The following TAF11 variants were observed in gnomAD, a reference collection of about 807,000 sequenced individuals.
The protein encoded by TAF11 is TATA-box binding protein associated factor 11.
In TAF11, 10 loss-of-function variants were observed where a neutral mutation model predicts 23.0. That is an observed-to-expected ratio of 0.43 (90% confidence interval 0.27 to 0.74). The LOEUF (loss-of-function observed/expected upper bound fraction) is 0.74. Ranked by LOEUF, TAF11 falls within the 30% of genes least tolerant of loss-of-function variation. The probability of loss-of-function intolerance (pLI) is 0.19; values close to 1 mark genes in which losing one functional copy is unlikely to be tolerated. For synonymous variants in TAF11, 85 were observed against 95.8 expected, an observed-to-expected ratio of 0.89 and a Z score of 0.66; for missense variants, 196 against 261.7, an observed-to-expected ratio of 0.75 and a Z score of 1.73.
At chr6:34,883,148 CA>C in intron 1 of TAF11, 68 bp from the exon 2 acceptor site, 2 of 1,493,926 alleles carry the variant, frequency 1.3e-6, no homozygotes, top group Non-Finnish European at 1.8e-6. Context: ...AGTAAGAAGA[CA>C]TCATCCTTAT....
At chr6:34,881,002 AAC>A (rs1766413899) in intron 2 of TAF11, among the ~76,000 whole-genome samples, 1 of 152,226 alleles carries the variant, frequency 6.6e-6, no homozygotes, top group South Asian at 2.1e-4. Context: ...ATGGGACACA[AAC>A]ACATGCTGGC....
In TAF11 at chr6:34,883,266, C is replaced by G. The variant is rs1766475363; in HGVS notation, c.172-186G>C. ...CTCCTAAGGGAAGATTATGGCTCAG[C>G]TATGGAAAGAAAACCTGCTAAATAA... is the stretch of plus-strand genomic sequence containing the variant. On this transcript the variant is annotated intron_variant, in intron 1 of 4. Coordinates refer to ENST00000361288, the MANE Select transcript of TAF11 (RefSeq NM_005643.4). 6 of 525,388 alleles carry G rather than the reference C, an allele frequency of 1.1e-5. No homozygotes were observed. In the South Asian group the frequency reaches 1.9e-4, roughly 17 times the overall value. The allele number at this position is 525,388 out of a possible 1,614,324, so 32.5% of individuals were successfully genotyped here. A position where few individuals can be genotyped will look rare whatever the true frequency, so the allele number is the denominator to read the frequency against.
chr6:34,886,076 C>G (rs189106258), intron 1 of TAF11, among the ~76,000 whole-genome samples: 1 of 152,320 alleles, frequency 6.6e-6, no homozygotes, highest in East Asian at 1.9e-4. Flanking sequence ...TGCAGTGAGC[C>G]GAGATTGCGC....
At chr6:34,886,047 G>A (rs1044671232) in intron 1 of TAF11, among the ~76,000 whole-genome samples, 4 of 152,220 alleles carry the variant, frequency 2.6e-5, no homozygotes, top group Non-Finnish European at 5.9e-5. Flanking sequence ...AGAATCGCTT[G>A]AGCCTGAGAG....
chr6:34,881,756 G>T (rs896018353), intron 2 of TAF11, among the ~76,000 whole-genome samples: 4 of 152,064 alleles, frequency 2.6e-5, no homozygotes, highest in Non-Finnish European at 4.4e-5. Context: ...GAGTGCAGTG[G>T]CGCAGTCTTG....
intron 2 of TAF11, among the ~76,000 whole-genome samples, chr6:34,881,963 G>C (rs1766439979): frequency 6.6e-6 from 1 of 151,494 alleles, no homozygotes; most frequent in South Asian, 2.1e-4. Flanking sequence ...CTCCCAAAGT[G>C]CTGGGATTAC....
intron 1 of TAF11, 45 bp from the exon 2 acceptor site, chr6:34,883,125 C>A: frequency 1.3e-6 from 2 of 1,571,354 alleles, no homozygotes; most frequent in South Asian, 2.4e-5. Context: ...GCCTACTTTC[C>A]AGGCTTGGGC....
At position 34,878,548 on chromosome 6, in the gene TAF11, A is replaced by G. The variant is rs1490301520; in HGVS notation, c.*42T>C. On this transcript the variant is annotated 3_prime_UTR_variant, in exon 5 of 5. Transcript: ENST00000361288. ...CAGTCTTATAGGAAGTCTGGAACCA[A>G]TACTTCTTCCGTCAGTAACATAGGC... 4 of 1,103,280 alleles carry G rather than the reference A, an allele frequency of 3.6e-6. No homozygotes were observed. Among genetic ancestry groups the G allele is most frequent in the African/African-American group, 1.5e-5 (1 of 64,704 alleles). The allele number at this position is 1,103,280 out of a possible 1,614,324, so 68.3% of individuals were successfully genotyped here. A position where few individuals can be genotyped will look rare whatever the true frequency, so the allele number is the denominator to read the frequency against.
intron 2 of TAF11, among the ~76,000 whole-genome samples, chr6:34,881,285 T>C (rs1447190592): frequency 1.3e-5 from 2 of 152,264 alleles, no homozygotes; most frequent in African/African-American, 4.8e-5. Flanking sequence ...TTTATGAGCA[T>C]ATTTACTGAC....
chr6:34,879,322 G>A (rs189497699), intron 4 of TAF11: 16 of 913,442 alleles, frequency 1.8e-5, no homozygotes, highest in Non-Finnish European at 2.0e-5. Context: ...GTTTGAGGTT[G>A]TAGTGAGCTA....
At chr6:34,878,750 T>TATCA (rs752934185) in intron 4 of TAF11, 30 bp from the exon 5 acceptor site, 12 of 1,580,456 alleles carry the variant, frequency 7.6e-6, no homozygotes, top group Middle Eastern at 1.7e-4. Context: ...AAAGTCTGAT[T>TATCA]ATCACACAAT....
At chr6:34,878,845 T>C (rs1766364735) in intron 4 of TAF11, 125 bp from the exon 5 acceptor site, 1 of 829,526 alleles carries the variant, frequency 1.2e-6, no homozygotes, top group African/African-American at 1.7e-5. Flanking sequence ...CAGACATTTT[T>C]CCTTTTTAAG....
Position 34,879,961 on chromosome 6 carries a change from A to T in TAF11, c.505+6T>A. ...CAATCCAGTATTTGTAACCAACACT[A>T]CTCACCTTCTTCTACCACCTCCCCG... On this transcript the variant is annotated splice_donor_region_variant and intron_variant, in intron 4 of 4. Coordinates refer to ENST00000361288, the MANE Select transcript of TAF11 (RefSeq NM_005643.4). The T allele has an allele frequency of 6.2e-7, 1 of 1,612,284 alleles. No homozygotes were observed. The highest frequency in any genetic ancestry group is 8.5e-7 in the Non-Finnish European group (1 of 1,178,636).
chr6:34,878,710 C>T lies in TAF11; in HGVS notation c.516G>A (p.Val172=), dbSNP rs755004424. ...GTGGCATTTCTCCCCACTTCTCACA[C>T]ACATCCAGTGCTAAACAGAGGGTAA... is the stretch of plus-strand genomic sequence containing the variant. ...VGEVVEEALD[V]CEKWGEMPPL... Residue 172 remains valine, a synonymous_variant, in exon 5 of 5, where the codon GTG becomes GTA. Transcript: ENST00000361288. 1 of 1,614,080 alleles carries T rather than the reference C, an allele frequency of 6.2e-7. No homozygotes were observed. Among genetic ancestry groups the T allele is most frequent in the African/African-American group, 1.3e-5 (1 of 75,046 alleles).
chr6:34,888,026 G>A lies in TAF11; in HGVS notation c.-69C>T. 3 of 1,598,232 alleles carry A rather than the reference G, an allele frequency of 1.9e-6. No individual in the cohort carries two copies. The highest frequency in any genetic ancestry group is 1.7e-6 in the Non-Finnish European group (2 of 1,172,800). On this transcript the variant is annotated 5_prime_UTR_variant, in exon 1 of 5. Transcript: ENST00000361288. ...AGGCAGAAGCTCGGAAACCCGAGCT[G>A]CACAGGCCAGGATCTTACTTCCTGT...
rs1316452398 is a variant in TAF11, at chr6:34,883,038, C to G, written c.214G>C (p.Glu72Gln). Residue 72 changes from glutamate (E) to glutamine (Q), a missense_variant, in exon 2 of 5, where the codon GAA becomes CAA. By Grantham distance (29) the Glu-to-Gln change is conservative. Transcript: ENST00000361288. ...GCAGGATTAAGTAATGATGAGTCTT[C>G]CCTTTCAACTGTTGTTAAATCTGAG... ...DVSDLTTVER[E>Q]DSSLLNPAAK... 6.2e-7 allele frequency: 1 copy of G among 1,611,090 alleles called. No individual in the cohort carries two copies. The highest frequency in any genetic ancestry group is 1.7e-5 in the Admixed American group (1 of 59,580).
At chr6:34,883,107 T>C (rs1766472423) in intron 1 of TAF11, 27 bp from the exon 2 acceptor site, 2 of 1,594,134 alleles carry the variant, frequency 1.3e-6, no homozygotes, top group Non-Finnish European at 1.7e-6. Flanking sequence ...AACTCTATTA[T>C]ATATTTGGCC....
At chr6:34,882,426 G>C (rs147182549) in intron 2 of TAF11, among the ~76,000 whole-genome samples, 2 of 151,276 alleles carry the variant, frequency 1.3e-5, no homozygotes, top group Non-Finnish European at 2.9e-5. Flanking sequence ...GGCAGATCAC[G>C]TGAGGTCATG....
chr6:34,882,295 A>G (rs192779697), intron 2 of TAF11, among the ~76,000 whole-genome samples: 100 of 150,588 alleles, frequency 6.6e-4, no homozygotes, highest in African/African-American at 2.4e-3. Context: ...CAGAGATTGC[A>G]CCACCGCACT....
Sources: gnomAD v4.1 joint callset for allele counts (sites outside exome capture counted in the v4.1 genomes callset) on GRCh38, gnomAD v4.1.1 for gene constraint, MANE v1.5 for transcripts, NCBI Gene and HGNC (gene_info 2026-07-23, HGNC 2026-07-21) for gene names.